ZNF536: variants seen among roughly 807,000 people sequenced by gnomAD.
The protein encoded by ZNF536 is zinc finger protein 536.
Under a neutral mutation model 84.5 loss-of-function variants are expected in ZNF536, and 13 were observed. The observed-to-expected ratio is 0.15, with a 90% CI of 0.10 to 0.24. The LOEUF is 0.24. Ranked by LOEUF, ZNF536 falls within the 10% of genes least tolerant of loss-of-function variation. The pLI, the probability that ZNF536 is intolerant of heterozygous loss-of-function variation, is 1.00. For synonymous variants in ZNF536, 811 were observed against 742.5 expected (o/e 1.09, Z -1.50); for missense variants, 1,536 against 1,747.5 (o/e 0.88, Z 2.16).
chr19:30,687,348 C>T (rs956377944), intron 1 of ZNF536, among the ~76,000 whole-genome samples: 1 of 152,176 alleles, frequency 6.6e-6, no homozygotes, highest in Non-Finnish European at 1.5e-5. Flanking sequence ...TTGATGAATT[C>T]GAGCTCTCAC....
intron 1 of ZNF536, among the ~76,000 whole-genome samples, chr19:30,589,582 C>T (rs928752109): frequency 3.9e-5 from 6 of 152,008 alleles, no homozygotes; most frequent in Non-Finnish European, 7.4e-5. Flanking sequence ...TGGGGGTGAT[C>T]TCAGGAAGCA....
At chr19:30,264,332 G>A (rs1050921220) in intron 1 of ZNF536, among the ~76,000 whole-genome samples, 10 of 152,036 alleles carry the variant, frequency 6.6e-5, no homozygotes, top group Non-Finnish European at 1.3e-4. Context: ...ACAATGCTGT[G>A]GGGGAGGGGG....
At chr19:30,277,157 TA>T (rs2026171284) in intron 1 of ZNF536, among the ~76,000 whole-genome samples, 1 of 152,222 alleles carries the variant, frequency 6.6e-6, no homozygotes, top group South Asian at 2.1e-4. Context: ...TTCTGTTGTT[TA>T]AGAAAGACCA....
intron 2 of ZNF536, among the ~76,000 whole-genome samples, chr19:30,292,272 C>T (rs929586947): frequency 1.3e-5 from 2 of 152,072 alleles, no homozygotes; most frequent in African/African-American, 4.8e-5. Flanking sequence ...TCCTCACTAC[C>T]ATATTAAATG....
At chr19:30,673,265 C>A (rs184107737) in intron 1 of ZNF536, among the ~76,000 whole-genome samples, 2 of 152,160 alleles carry the variant, frequency 1.3e-5, no homozygotes, top group Non-Finnish European at 2.9e-5. Flanking sequence ...CCAAGCACAG[C>A]GCCTGGCCCT....
intron 2 of ZNF536, among the ~76,000 whole-genome samples, chr19:30,450,071 C>G (rs1483251090): frequency 3.1e-5 from 4 of 127,750 alleles, no homozygotes; most frequent in Non-Finnish European, 6.7e-5. Flanking sequence ...GGATTAAGAT[C>G]TTCATTTTTT....
At chr19:30,291,410 G>A (rs2045837808) in intron 2 of ZNF536, among the ~76,000 whole-genome samples, 1 of 152,064 alleles carries the variant, frequency 6.6e-6, no homozygotes. Flanking sequence ...TCTCTTCGTG[G>A]TTTCAATTTG....
chr19:30,271,489 G>A (rs2025851311), intron 1 of ZNF536, among the ~76,000 whole-genome samples: 2 of 151,894 alleles, frequency 1.3e-5, no homozygotes, highest in Admixed American at 1.3e-4. Flanking sequence ...CTGGAGCTAA[G>A]GCTGATATGG....
At chr19:30,708,099 C>T (rs2052319077) in intron 1 of ZNF536, among the ~76,000 whole-genome samples, 1 of 152,038 alleles carries the variant, frequency 6.6e-6, no homozygotes, top group Non-Finnish European at 1.5e-5. Context: ...TCCTGACTAC[C>T]TGCTTTGTGC....
chr19:30,650,094 C>A (rs1021273796), intron 1 of ZNF536, among the ~76,000 whole-genome samples: 23 of 152,152 alleles, frequency 1.5e-4, no homozygotes, highest in African/African-American at 5.6e-4. Flanking sequence ...TTACTGAGTT[C>A]GAATGGGCAC....
intron 2 of ZNF536, among the ~76,000 whole-genome samples, chr19:30,304,312 A>G (rs917217182): frequency 1.4e-4 from 21 of 152,328 alleles, no homozygotes; most frequent in African/African-American, 4.8e-4. Flanking sequence ...AGCTCGAACC[A>G]TTGGAGCCGG....
intron 1 of ZNF536, among the ~76,000 whole-genome samples, chr19:30,666,149 C>T (rs569229022): frequency 1.3e-5 from 2 of 152,330 alleles, no homozygotes; most frequent in South Asian, 2.1e-4. Flanking sequence ...CACAGACATG[C>T]GTGTGCATGC....
chr19:30,642,512 G>A (rs2049303412), intron 1 of ZNF536, among the ~76,000 whole-genome samples: 1 of 152,190 alleles, frequency 6.6e-6, no homozygotes, highest in South Asian at 2.1e-4. Flanking sequence ...AAAAGCTTCA[G>A]AGGGGACTGA....
intron 1 of ZNF536, among the ~76,000 whole-genome samples, chr19:30,591,248 C>T (rs1185426715): frequency 6.6e-6 from 1 of 152,196 alleles, no homozygotes; most frequent in African/African-American, 2.4e-5. Context: ...CACACTTGTG[C>T]AGGACTGCCA....
intron 1 of ZNF536, among the ~76,000 whole-genome samples, chr19:30,597,147 G>C (rs1284223796): frequency 6.6e-6 from 1 of 152,248 alleles, no homozygotes; most frequent in Non-Finnish European, 1.5e-5. Flanking sequence ...CCCTGCACCA[G>C]TGCGCAAGCA....
upstream of ZNF536, among the ~76,000 whole-genome samples, chr19:30,370,462 T>C (rs1247966536): frequency 2.6e-5 from 4 of 152,212 alleles, no homozygotes; most frequent in Non-Finnish European, 5.9e-5. Context: ...TGACCATGAT[T>C]GCAAATTACT....
At chr19:30,232,331 T>C (rs1301181321) in intron 1 of ZNF536, among the ~76,000 whole-genome samples, 2 of 152,218 alleles carry the variant, frequency 1.3e-5, no homozygotes, top group East Asian at 3.8e-4. Flanking sequence ...GCAGGGTTGC[T>C]ATATGGGTAC....
At chr19:30,225,701 C>CGGGGCGCGGCGCGGTGCGG (rs1163964867), upstream of ZNF536, among the ~76,000 whole-genome samples, 2 of 67,622 alleles carry the variant, frequency 3.0e-5, no homozygotes, top group Non-Finnish European at 5.4e-5. Context: ...GGGGGGATCG[C>CGGGGCGCGGCGCGGTGCGG]GGGGCGCGGC....
At chr19:30,507,757 A>G (rs1198204698) in intron 2 of ZNF536, among the ~76,000 whole-genome samples, 1 of 152,230 alleles carries the variant, frequency 6.6e-6, no homozygotes, top group Non-Finnish European at 1.5e-5. Context: ...TATACCAAAT[A>G]TAAGTATCTA....
Sources: allele counts gnomAD v4.1 joint callset (sites outside exome capture counted in the v4.1 genomes callset), GRCh38; gene constraint gnomAD v4.1.1; transcripts MANE v1.5; gene names NCBI Gene and HGNC (gene_info 2026-07-23, HGNC 2026-07-21).